The following METTL24 variants were observed in gnomAD, a reference collection of about 807,000 sequenced individuals.
METTL24 encodes probable methyltransferase-like protein 24.
In METTL24, 29 loss-of-function variants were observed where a neutral mutation model predicts 32.7. The ratio of observed to expected loss-of-function variants is 0.89; its 90% CI spans 0.66 to 1.21. METTL24 has a LOEUF of 1.21. METTL24 is among the 50% of genes most tolerant of loss of function. The pLI is 0.00. For missense variants in METTL24, 439 were observed against 468.1 expected (o/e 0.94, Z 0.57); for synonymous variants, 163 against 179.5 (o/e 0.91, Z 0.73).
intron 4 of METTL24, among the ~76,000 whole-genome samples, chr6:110,248,033 G>A (rs555906097): frequency 4.8e-4 from 73 of 152,200 alleles, no homozygotes; most frequent in Non-Finnish European, 8.4e-4. Context: ...CTGAGTTCAC[G>A]TAAGATCTGG....
At chr6:110,264,129 A>G (rs1415131360) in intron 4 of METTL24, among the ~76,000 whole-genome samples, 1 of 151,578 alleles carries the variant, frequency 6.6e-6, no homozygotes, top group Non-Finnish European at 1.5e-5. Flanking sequence ...ATGGGATCTA[A>G]TTAAACTAAA....
At chr6:110,293,341 C>T (rs1771353979) in intron 4 of METTL24, among the ~76,000 whole-genome samples, 1 of 151,894 alleles carries the variant, frequency 6.6e-6, no homozygotes, top group South Asian at 2.1e-4. Context: ...ATTTTTGTTG[C>T]TTTTGTAAAT....
intron 4 of METTL24, among the ~76,000 whole-genome samples, chr6:110,260,689 G>A (rs569479483): frequency 6.6e-6 from 1 of 152,170 alleles, no homozygotes; most frequent in African/African-American, 2.4e-5. Flanking sequence ...TGAAATGAAG[G>A]AAAAAATGTT....
intron 2 of METTL24, among the ~76,000 whole-genome samples, chr6:110,318,775 G>T (rs1393144189): frequency 6.6e-6 from 1 of 151,654 alleles, no homozygotes; most frequent in Non-Finnish European, 1.5e-5. Flanking sequence ...ACAACTGAAA[G>T]TCCTCCATAA....
At chr6:110,291,346 G>C (rs1210450979) in intron 4 of METTL24, among the ~76,000 whole-genome samples, 1 of 152,030 alleles carries the variant, frequency 6.6e-6, no homozygotes, top group South Asian at 2.1e-4. Context: ...TTAGGTCTAT[G>C]TTCCACTTCA....
chr6:110,244,657 G>T lies in METTL24; in HGVS notation c.*1289C>A, dbSNP rs967415623. 1.3e-5 allele frequency among the ~76,000 whole-genome samples: 2 copies of T among 151,960 alleles called. No homozygotes were observed. The highest frequency in any genetic ancestry group is 4.8e-5 in the African/African-American group (2 of 41,366). ...AGAAAAATGAGAGCCAAGTGAAGGG[G>T]GACACCTCTTATAAAACCATCAGAT... On this transcript the variant is annotated 3_prime_UTR_variant, in exon 5 of 5. Coordinates refer to ENST00000338882, the MANE Select transcript of METTL24 (RefSeq NM_001123364.3).
At chr6:110,345,497 T>C (rs997475824) in intron 1 of METTL24, among the ~76,000 whole-genome samples, 2 of 152,208 alleles carry the variant, frequency 1.3e-5, no homozygotes, top group Admixed American at 6.5e-5. Flanking sequence ...TGCAGCCCTA[T>C]TCACAATAGC....
chr6:110,253,224 T>C (rs943831625), intron 4 of METTL24, among the ~76,000 whole-genome samples: 11 of 151,980 alleles, frequency 7.2e-5, no homozygotes, highest in African/African-American at 2.4e-4. Flanking sequence ...CCTGAGTCAA[T>C]AGGAATAGAG....
intron 1 of METTL24, among the ~76,000 whole-genome samples, chr6:110,351,213 C>T (rs975220128): frequency 3.3e-5 from 5 of 152,034 alleles, no homozygotes; most frequent in Non-Finnish European, 1.5e-5. Flanking sequence ...AAAAAATAAA[C>T]AAATAAGTAA....
At chr6:110,260,877 G>C (rs939794269) in intron 4 of METTL24, among the ~76,000 whole-genome samples, 4 of 152,172 alleles carry the variant, frequency 2.6e-5, no homozygotes. Context: ...AGCTTCATAA[G>C]TGAAGGAGAA....
intron 4 of METTL24, among the ~76,000 whole-genome samples, chr6:110,293,798 G>A (rs1328334028): frequency 6.6e-6 from 1 of 151,870 alleles, no homozygotes; most frequent in Non-Finnish European, 1.5e-5. Flanking sequence ...TCCTTAAAGT[G>A]CCAGAAATGT....
At chr6:110,260,304 A>G (rs1778469497) in intron 4 of METTL24, among the ~76,000 whole-genome samples, 1 of 152,242 alleles carries the variant, frequency 6.6e-6, no homozygotes, top group African/African-American at 2.4e-5. Flanking sequence ...TGGCACGAGA[A>G]CTACGTGATG....
At chr6:110,270,837 C>CTTTTTTT (rs3075091) in intron 4 of METTL24, among the ~76,000 whole-genome samples, 3 of 124,728 alleles carry the variant, frequency 2.4e-5, no homozygotes, top group African/African-American at 6.1e-5. Context: ...CATCTTGATT[C>CTTTTTTT]TTTTTTTTTT....
intron 1 of METTL24, among the ~76,000 whole-genome samples, chr6:110,346,503 TC>T (rs1345692309): frequency 6.8e-4 from 54 of 79,378 alleles, no homozygotes; most frequent in East Asian, 5.8e-4. Context: ...TCTCTCTCTC[TC>T]TTTTTTTTTT....
chr6:110,276,025 T>A (rs1330261469), intron 4 of METTL24, among the ~76,000 whole-genome samples: 1 of 152,178 alleles, frequency 6.6e-6, no homozygotes, highest in Non-Finnish European at 1.5e-5. Context: ...TGGCCACAGC[T>A]GTTATTGTAG....
At chr6:110,277,364 A>C (rs1358190298) in intron 4 of METTL24, among the ~76,000 whole-genome samples, 1 of 152,208 alleles carries the variant, frequency 6.6e-6, no homozygotes, top group African/African-American at 2.4e-5. Flanking sequence ...ACTTCATTAT[A>C]TACAAGAATA....
chr6:110,251,279 G>T (rs1251280207), intron 4 of METTL24, among the ~76,000 whole-genome samples: 1 of 152,126 alleles, frequency 6.6e-6, no homozygotes, highest in Non-Finnish European at 1.5e-5. Flanking sequence ...AACTACAGTA[G>T]TACAGTGGAC....
intron 3 of METTL24, among the ~76,000 whole-genome samples, chr6:110,312,037 A>G (rs1030174911): frequency 6.6e-6 from 1 of 152,174 alleles, no homozygotes; most frequent in Non-Finnish European, 1.5e-5. Flanking sequence ...TGCTGTGCAG[A>G]AGCTTTTTGG....
intron 4 of METTL24, among the ~76,000 whole-genome samples, chr6:110,262,994 C>A (rs778150156): frequency 2.0e-5 from 3 of 152,156 alleles, no homozygotes; most frequent in Non-Finnish European, 4.4e-5. Context: ...CTATTAATGA[C>A]AAACCCACAG....
Sources: allele counts gnomAD v4.1 joint callset (sites outside exome capture counted in the v4.1 genomes callset), GRCh38; gene constraint gnomAD v4.1.1; transcripts MANE v1.5; gene names NCBI Gene and HGNC (gene_info 2026-07-23, HGNC 2026-07-21).